Variants in MRTFA observed in about 807,000 individuals in gnomAD.
The protein encoded by MRTFA is myocardin-related transcription factor A.
MRTFA carries 20 observed loss-of-function variants against 83.5 expected under a neutral mutation model. The ratio of observed to expected loss-of-function variants is 0.24; its 90% CI spans 0.17 to 0.35. The LOEUF (loss-of-function observed/expected upper bound fraction) is 0.35. MRTFA is among the 10% of genes least tolerant of loss of function. The pLI is 1.00. For synonymous variants in MRTFA, 659 were observed against 541.2 expected (o/e 1.22, Z -3.02); for missense variants, 1,200 against 1,224.7 (o/e 0.98, Z 0.30).
At chr22:40,506,919 CATT>C (rs1376591441) in intron 3 of MRTFA, among the ~76,000 whole-genome samples, 2 of 152,124 alleles carry the variant, frequency 1.3e-5, no homozygotes, top group Non-Finnish European at 1.5e-5. Context: ...CTGAATACAC[CATT>C]ATTTTAATTC....
At chr22:40,594,942 CT>C (rs2056170023) in intron 1 of MRTFA, among the ~76,000 whole-genome samples, 2 of 146,488 alleles carry the variant, frequency 1.4e-5, no homozygotes, top group Admixed American at 6.8e-5. Flanking sequence ...ATAGGTAACA[CT>C]GATTGGGCAC....
chr22:40,614,839 A>T (rs779357513), intron 1 of MRTFA, among the ~76,000 whole-genome samples: 2 of 152,106 alleles, frequency 1.3e-5, no homozygotes, highest in Non-Finnish European at 2.9e-5. Context: ...CTTATTTTTT[A>T]ATTGGGCCAT....
intron 4 of MRTFA, among the ~76,000 whole-genome samples, chr22:40,450,742 G>A (rs571802027): frequency 1.1e-4 from 17 of 152,270 alleles, no homozygotes; most frequent in Admixed American, 3.3e-4. Context: ...ACAGGCTTGA[G>A]CCACCACACC....
chr22:40,562,235 A>AGGTCTCAT (rs1234542438), intron 2 of MRTFA, among the ~76,000 whole-genome samples: 2 of 145,092 alleles, frequency 1.4e-5, no homozygotes, highest in African/African-American at 5.1e-5. Context: ...AAAAAAAAAG[A>AGGTCTCAT]GGTCTCATGA....
chr22:40,510,754 C>A (rs1602360302), intron 3 of MRTFA, among the ~76,000 whole-genome samples: 1 of 152,162 alleles, frequency 6.6e-6, no homozygotes, highest in East Asian at 1.9e-4. Flanking sequence ...ATAAGGAGAG[C>A]ACAGCAGAAG....
chr22:40,533,949 A>G (rs770951251), intron 3 of MRTFA: 11 of 268,712 alleles, frequency 4.1e-5, no homozygotes, highest in Non-Finnish European at 7.0e-5. Flanking sequence ...ACATATATAA[A>G]GAGACTTTCA....
At position 40,474,141 on chromosome 22, in the gene MRTFA, A is replaced by C. The variant is rs73422617; in HGVS notation, c.242-10855T>G. 4.6e-3 allele frequency among the ~76,000 whole-genome samples: 698 copies of C among 152,346 alleles called. 5 individuals carry two copies. The highest frequency in any genetic ancestry group is 0.016 in the African/African-American group (667 of 41,574). ...AAAAGCTGCAATTATTTTTGCACCA[A>C]CATAATACTATTGTGTTAGGTCCTG... On this transcript the variant is annotated intron_variant, in intron 3 of 14. Transcript: ENST00000355630.
intron 3 of MRTFA, among the ~76,000 whole-genome samples, chr22:40,506,758 C>A (rs959169083): frequency 2.0e-5 from 3 of 152,116 alleles, no homozygotes; most frequent in Non-Finnish European, 4.4e-5. Flanking sequence ...AAACTAATGA[C>A]CCCCATTTAT....
intron 2 of MRTFA, among the ~76,000 whole-genome samples, chr22:40,570,342 G>A (rs1342418817): frequency 1.1e-4 from 17 of 151,890 alleles, no homozygotes; most frequent in South Asian, 4.1e-4. Flanking sequence ...TTGGGAGGCC[G>A]AGGCGGGTGG....
At chr22:40,549,179 G>A (rs1372750482) in intron 3 of MRTFA, among the ~76,000 whole-genome samples, 1 of 151,956 alleles carries the variant, frequency 6.6e-6, no homozygotes, top group African/African-American at 2.4e-5. Flanking sequence ...ATCCTCAAAT[G>A]TCAGTCTCCC....
chr22:40,480,743 CTTTTTTTTTTTTT>C (rs758150714), intron 3 of MRTFA, among the ~76,000 whole-genome samples: 1 of 93,542 alleles, frequency 1.1e-5, no homozygotes, highest in Non-Finnish European at 2.0e-5. Context: ...GAGTTCAAGA[CTTTTTTTTTTTTT>C]TTTTTTTTTT....
chr22:40,550,130 C>T (rs2147309670), intron 3 of MRTFA, among the ~76,000 whole-genome samples: 1 of 148,984 alleles, frequency 6.7e-6, no homozygotes, highest in South Asian at 2.1e-4. Context: ...TAAAATGTTA[C>T]AGGTAGAATC....
intron 9 of MRTFA, 102 bp from the exon 10 acceptor site, chr22:40,421,202 C>G (rs540240315): frequency 7.5e-7 from 1 of 1,332,760 alleles, no homozygotes; most frequent in South Asian, 1.5e-5. Flanking sequence ...GAGAAGACAT[C>G]CCCATCCACA....
intron 2 of MRTFA, among the ~76,000 whole-genome samples, chr22:40,572,148 T>C (rs56047425): frequency 0.089 from 13,538 of 152,048 alleles, 786 homozygotes; most frequent in East Asian, 0.25. Context: ...AAGTCTAGAA[T>C]TGGGACACAT....
intron 4 of MRTFA, among the ~76,000 whole-genome samples, chr22:40,456,274 A>G (rs1041082937): frequency 2.0e-5 from 3 of 152,092 alleles, no homozygotes; most frequent in African/African-American, 4.8e-5. Context: ...AAAAATCTCC[A>G]TATCTTCTGC....
At chr22:40,571,153 T>C (rs2055787328) in intron 2 of MRTFA, among the ~76,000 whole-genome samples, 1 of 150,692 alleles carries the variant, frequency 6.6e-6, no homozygotes, top group Non-Finnish European at 1.5e-5. Flanking sequence ...AAGGTTGCAG[T>C]AAGCCTTGAT....
At chr22:40,547,182 T>C (rs1010608410) in intron 3 of MRTFA, among the ~76,000 whole-genome samples, 2 of 151,558 alleles carry the variant, frequency 1.3e-5, no homozygotes, top group African/African-American at 4.8e-5. Context: ...TAAAATAAAA[T>C]AAATAAATAT....
At chr22:40,635,523 C>T (rs575841874) in intron 1 of MRTFA, among the ~76,000 whole-genome samples, 2 of 152,322 alleles carry the variant, frequency 1.3e-5, no homozygotes, top group African/African-American at 4.8e-5. Context: ...TGTATATACA[C>T]ACACTTCATG....
chr22:40,609,933 G>A (rs868249354), intron 1 of MRTFA, among the ~76,000 whole-genome samples: 2 of 151,852 alleles, frequency 1.3e-5, no homozygotes, highest in Non-Finnish European at 2.9e-5. Flanking sequence ...TAGCTTGAGC[G>A]TAAGTACAAA....
Sources: gnomAD v4.1 joint callset for allele counts (sites outside exome capture counted in the v4.1 genomes callset) on GRCh38, gnomAD v4.1.1 for gene constraint, MANE v1.5 for transcripts, NCBI Gene and HGNC (gene_info 2026-07-23, HGNC 2026-07-21) for gene names.